Variants in PDZRN4 observed in about 807,000 individuals in gnomAD.
PDZRN4 encodes PDZ domain containing ring finger 4.
Under a neutral mutation model 99.0 loss-of-function variants are expected in PDZRN4, and 70 were observed. That is an observed-to-expected ratio of 0.71 (90% CI 0.58 to 0.86). The LOEUF is 0.86. Among genes scored for constraint, PDZRN4 ranks in the 40% least tolerant of loss-of-function variants. The pLI is 0.00. For missense variants in PDZRN4, 1,474 were observed against 1,331.2 expected (o/e 1.11, Z -1.67); for synonymous variants, 551 against 501.6 (o/e 1.10, Z -1.32).
rs940297528 is a variant in PDZRN4 at position 41,194,087 on chromosome 12, C to A, written c.742C>A (p.Gln248Lys). The change falls in exon 3 of 10, where the codon CAG (glutamine) becomes AAG (lysine). Residue 248 changes from glutamine to lysine, a missense_variant. Gln to Lys is a moderately conservative substitution (Grantham distance 53). Transcript: ENST00000402685. ...IIGGRPNQNN[Q>K]EGTSTEGIYV... ...AATGATTTTTTAAAAATAGAATAAT[C>A]AGGAAGGAACATCGACTGAAGGAAT... 3 of 1,443,130 alleles carry A rather than the reference C, an allele frequency of 2.1e-6. No homozygotes were observed. The highest frequency in any genetic ancestry group is 1.7e-5 in the Admixed American group (1 of 59,318). 89.4% of individuals were successfully genotyped at this position (1,443,130 alleles called of 1,614,324 possible). A position where few individuals can be genotyped will look rare whatever the true frequency, so the allele number is the denominator to read the frequency against.
intron 4 of PDZRN4, among the ~76,000 whole-genome samples, chr12:41,507,516 G>C (rs1453116600): frequency 6.6e-6 from 1 of 152,092 alleles, no homozygotes; most frequent in Non-Finnish European, 1.5e-5. Context: ...AAAGATCTGA[G>C]TCATGCCACT....
At chr12:41,443,977 A>G (rs767752443) in intron 3 of PDZRN4, among the ~76,000 whole-genome samples, 30 of 152,124 alleles carry the variant, frequency 2.0e-4, no homozygotes, top group Non-Finnish European at 2.5e-4. Flanking sequence ...AGCACTGAGA[A>G]ACAGGCCAAT....
At chr12:41,478,246 G>T (rs1937622995) in intron 3 of PDZRN4, among the ~76,000 whole-genome samples, 1 of 152,054 alleles carries the variant, frequency 6.6e-6, no homozygotes, top group South Asian at 2.1e-4. Flanking sequence ...CTCCCGAGTA[G>T]CTGGGATTAC....
At chr12:41,344,737 GAT>G (rs1172085029) in intron 3 of PDZRN4, among the ~76,000 whole-genome samples, 2 of 147,404 alleles carry the variant, frequency 1.4e-5, no homozygotes, top group East Asian at 2.0e-4. Flanking sequence ...TTTGATGTAA[GAT>G]ATATATATCA....
chr12:41,312,723 C>T (rs928317245), intron 3 of PDZRN4, among the ~76,000 whole-genome samples: 3 of 152,096 alleles, frequency 2.0e-5, no homozygotes, highest in African/African-American at 7.2e-5. Flanking sequence ...GAAAGTCCTG[C>T]CCCCGAGATT....
intron 3 of PDZRN4, among the ~76,000 whole-genome samples, chr12:41,323,723 T>C (rs1951693979): frequency 1.3e-5 from 2 of 151,990 alleles, no homozygotes; most frequent in Admixed American, 1.3e-4. Flanking sequence ...TAATTTTTTC[T>C]TTTCTAATAA....
intron 5 of PDZRN4, among the ~76,000 whole-genome samples, chr12:41,517,901 T>A (rs938767045): frequency 3.3e-5 from 5 of 152,104 alleles, no homozygotes; most frequent in Admixed American, 6.6e-5. Context: ...CTCCGTATTA[T>A]CTCTGACTTT....
intron 5 of PDZRN4, among the ~76,000 whole-genome samples, chr12:41,537,063 T>A (rs1938760836): frequency 6.6e-6 from 1 of 152,242 alleles, no homozygotes; most frequent in African/African-American, 2.4e-5. Context: ...CAGGCCCTTA[T>A]ACTAGTCTTC....
chr12:41,471,766 A>C (rs1280225314), intron 3 of PDZRN4, among the ~76,000 whole-genome samples: 1 of 151,228 alleles, frequency 6.6e-6, no homozygotes, highest in Non-Finnish European at 1.5e-5. Flanking sequence ...TAAATCGTTG[A>C]AAAATATGCT....
At chr12:41,368,295 G>C (rs1952016777) in intron 3 of PDZRN4, among the ~76,000 whole-genome samples, 1 of 151,976 alleles carries the variant, frequency 6.6e-6, no homozygotes, top group Admixed American at 6.6e-5. Context: ...GTTTTCTCTA[G>C]AGAAGATAGT....
rs1056223242 is a variant in PDZRN4, at chr12:41,533,141, A to T, written c.1204-19515A>T. ...GAATTGAGGTACATCCAAGTTCAGA[A>T]ATATTTATTTCTTCCTGGTCAGCTT... On this transcript the variant is annotated intron_variant, in intron 5 of 9. Coordinates refer to ENST00000402685, the MANE Select transcript of PDZRN4 (RefSeq NM_001164595.2). Among the ~76,000 whole-genome samples, 9 of 151,940 alleles carry T rather than the reference A, an allele frequency of 5.9e-5. No individual in the cohort carries two copies. The East Asian group carries it at 1.7e-3, about 29-fold the overall frequency.
At chr12:41,287,303 G>A (rs1184870008) in intron 3 of PDZRN4, among the ~76,000 whole-genome samples, 5 of 152,158 alleles carry the variant, frequency 3.3e-5, no homozygotes, top group African/African-American at 1.2e-4. Flanking sequence ...TTTCTAACTT[G>A]TAAAATGAAC....
At chr12:41,280,087 C>T (rs1459430465) in intron 3 of PDZRN4, among the ~76,000 whole-genome samples, 3 of 152,096 alleles carry the variant, frequency 2.0e-5, no homozygotes, top group Middle Eastern at 3.2e-3. Context: ...GGTGGGGTGT[C>T]GCCTCACCTG....
chr12:41,437,444 T>C (rs185323685), intron 3 of PDZRN4, among the ~76,000 whole-genome samples: 3 of 152,336 alleles, frequency 2.0e-5, no homozygotes, highest in Admixed American at 1.3e-4. Context: ...ATTAAGTGTA[T>C]GTTTTTTTTC....
intron 3 of PDZRN4, among the ~76,000 whole-genome samples, chr12:41,204,681 G>T (rs755223626): frequency 1.5e-4 from 23 of 152,066 alleles, no homozygotes; most frequent in Admixed American, 3.9e-4. Context: ...AAAAGCATGG[G>T]GGAACCACCC....
intron 3 of PDZRN4, among the ~76,000 whole-genome samples, chr12:41,374,371 A>G (rs958152004): frequency 6.6e-6 from 1 of 152,142 alleles, no homozygotes; most frequent in African/African-American, 2.4e-5. Flanking sequence ...CAGCAGGGAT[A>G]GTGACAGTGC....
At position 41,386,913 on chromosome 12, in the gene PDZRN4, G is replaced by A. The variant is rs566973731; in HGVS notation, c.844-119543G>A. On this transcript the variant is annotated intron_variant, in intron 3 of 9. Coordinates refer to ENST00000402685, the MANE Select transcript of PDZRN4 (RefSeq NM_001164595.2). ...TCAATAAATGATGCTGGGATAACTG[G>A]TTAGCCATATGCAGAAGATTGAAAC... Among the ~76,000 whole-genome samples the A allele has an allele frequency of 7.0e-4, 106 of 152,296 alleles. 3 individuals are homozygous for A. Among genetic ancestry groups the A allele is most frequent in the African/African-American group, 2.0e-3 (83 of 41,570 alleles).
At chr12:41,256,166 T>A (rs1951203457) in intron 3 of PDZRN4, among the ~76,000 whole-genome samples, 2 of 152,206 alleles carry the variant, frequency 1.3e-5, no homozygotes, top group Non-Finnish European at 2.9e-5. Context: ...TATTTCCTAG[T>A]CATATAAAAG....
intron 3 of PDZRN4, among the ~76,000 whole-genome samples, chr12:41,420,008 C>G (rs927610845): frequency 3.3e-5 from 5 of 152,110 alleles, no homozygotes; most frequent in African/African-American, 1.2e-4. Flanking sequence ...ATTAGAGTAA[C>G]TGAAATTTTT....
Sources: gnomAD v4.1 joint callset for allele counts (sites outside exome capture counted in the v4.1 genomes callset) on GRCh38, gnomAD v4.1.1 for gene constraint, MANE v1.5 for transcripts, NCBI Gene and HGNC (gene_info 2026-07-23, HGNC 2026-07-21) for gene names.